TOPAZ1: variants seen among roughly 807,000 people sequenced by gnomAD.
TOPAZ1 encodes the protein testis and ovary specific TOPAZ 1, also known as protein TOPAZ1.
In TOPAZ1, 66 loss-of-function variants were observed where a neutral mutation model predicts 172.2. The observed-to-expected ratio is 0.38, with a 90% CI of 0.31 to 0.47. The LOEUF (loss-of-function observed/expected upper bound fraction) is 0.47, where lower values mean the gene tolerates loss of function less well. Ranked by LOEUF, TOPAZ1 falls within the 20% of genes least tolerant of loss-of-function variation. The pLI is 0.99. For missense variants in TOPAZ1, 1,822 were observed against 1,972.4 expected (o/e 0.92, Z 1.44); for synonymous variants, 681 against 683.9 (o/e 1.00, Z 0.07).
Position 44,287,512 on chromosome 3 carries a change from T to G in TOPAZ1, c.3560T>G (p.Val1187Gly), listed in dbSNP as rs1282365372. ...TTGTTGAAAGAAGTATTTCAGATAG[T>G]GAACCTCAGCATAATGGTTAAAATG... ...HCLLKEVFQI[V>G]NLSIMVKMLP... The change falls in exon 10 of 20, where the codon GTG becomes GGG. Residue 1187 changes from valine to glycine, a missense_variant. By Grantham distance (109) the Val-to-Gly change is moderately radical. This residue lies in a region of TOPAZ1 where 1,489 missense variants were observed against 1,490.8 expected (regional missense o/e 1.00). Coordinates refer to ENST00000309765, the MANE Select transcript of TOPAZ1 (RefSeq NM_001145030.2). The G allele has an allele frequency of 1.3e-6, 2 of 1,520,050 alleles. No homozygotes were observed. The highest frequency in any genetic ancestry group is 1.8e-6 in the Non-Finnish European group (2 of 1,133,754). 94.2% of individuals were successfully genotyped at this position (1,520,050 alleles called of 1,614,324 possible). A position where few individuals can be genotyped will look rare whatever the true frequency, so the allele number is the denominator to read the frequency against.
At chr3:44,271,446 G>A (rs568588533) in intron 8 of TOPAZ1, among the ~76,000 whole-genome samples, 5 of 152,148 alleles carry the variant, frequency 3.3e-5, no homozygotes, top group African/African-American at 1.2e-4. Flanking sequence ...GAAATATACA[G>A]ATATTTTCCC....
intron 12 of TOPAZ1, 132 bp downstream of exon 12, chr3:44,291,018 C>T (rs116399476): frequency 1.4e-5 from 8 of 557,096 alleles, no homozygotes; most frequent in Middle Eastern, 5.0e-4. Flanking sequence ...AAACCCTTCT[C>T]CTGTCTCTTG....
At chr3:44,253,285 G>A (rs1242494986) in intron 2 of TOPAZ1, among the ~76,000 whole-genome samples, 3 of 152,142 alleles carry the variant, frequency 2.0e-5, no homozygotes, top group Admixed American at 6.5e-5. Flanking sequence ...GGAATTCATG[G>A]AAAGACTTTT....
At chr3:44,260,700 C>A (rs1699765726) in intron 4 of TOPAZ1, among the ~76,000 whole-genome samples, 1 of 152,096 alleles carries the variant, frequency 6.6e-6, no homozygotes, top group African/African-American at 2.4e-5. Context: ...CCTTTGGTGT[C>A]ACGCTTAGGC....
rs71085612 is a variant in TOPAZ1, at chr3:44,269,471, C to CTTTTTTTT, written c.3246+194_3246+201dup. Among the ~76,000 whole-genome samples, 41 of 33,936 alleles carry CTTTTTTTT rather than the reference C, an allele frequency of 1.2e-3. 6 individuals are homozygous for CTTTTTTTT. The highest frequency in any genetic ancestry group is 1.6e-3 in the African/African-American group (10 of 6,122). 22.3% of individuals were successfully genotyped at this position (33,936 alleles called of 152,430 possible). On this transcript the variant is annotated intron_variant, in intron 7 of 19. Coordinates refer to ENST00000309765, the MANE Select transcript of TOPAZ1 (RefSeq NM_001145030.2). ...CCTTTTGATTGTATTTCCCTATCAT[C>CTTTTTTTT]TTTTTTTTTTTTTTTTTTTTTTTTT...
chr3:44,248,414 T>C (rs1699591185), intron 2 of TOPAZ1, among the ~76,000 whole-genome samples: 1 of 152,214 alleles, frequency 6.6e-6, no homozygotes, highest in South Asian at 2.1e-4. Context: ...TTGCCTTTTA[T>C]CTACTTCTAA....
In TOPAZ1 at chr3:44,243,907, A is replaced by G; in HGVS notation, c.1401A>G (p.Ser467=). 1.3e-6 allele frequency: 2 copies of G among 1,552,310 alleles called. No individual in the cohort carries two copies. Among genetic ancestry groups the G allele is most frequent in the Non-Finnish European group, 1.7e-6 (2 of 1,147,100 alleles). The change falls in exon 2 of 20, where the codon TCA becomes TCG. Residue 467 remains serine, a synonymous_variant. Coordinates refer to ENST00000309765, the MANE Select transcript of TOPAZ1 (RefSeq NM_001145030.2). ...PNEYHIERRS[S]REDLRSASEE... ...AGTACCATATTGAAAGGAGATCTTC[A>G]CGGGAAGACTTAAGAAGTGCATCTG...
chr3:44,258,370 C>T lies in TOPAZ1; in HGVS notation c.2955+2092C>T, dbSNP rs1374179727. 3.9e-5 allele frequency among the ~76,000 whole-genome samples: 6 copies of T among 152,134 alleles called. No homozygotes were observed. The East Asian group carries it at 5.8e-4, about 15-fold the overall frequency. On this transcript the variant is annotated intron_variant, in intron 4 of 19. Coordinates refer to ENST00000309765, the MANE Select transcript of TOPAZ1 (RefSeq NM_001145030.2). Reference sequence around the variant, plus strand: ...CACAACCAGAATATTGGCATTAATACGATCAAGATATTACAGAACATTTCC... The same window carrying T: ...CACAACCAGAATATTGGCATTAATATGATCAAGATATTACAGAACATTTCC...
chr3:44,262,703 T>G (rs921645116), intron 5 of TOPAZ1, among the ~76,000 whole-genome samples: 2 of 152,188 alleles, frequency 1.3e-5, no homozygotes, highest in African/African-American at 4.8e-5. Context: ...TAAAATATTT[T>G]TTGAGGAAAG....
chr3:44,244,381 A>T lies in TOPAZ1; in HGVS notation c.1875A>T (p.Leu625Phe). ...DTQLTSETQSLTGNKKKARGN... is the reference protein window; with the variant it reads ...DTQLTSETQSFTGNKKKARGN... Reference sequence around the variant, plus strand: ...AATTAACCAGTGAGACTCAAAGCTTAACGGGAAATAAAAAAAAAGCTAGAG... The same window carrying T: ...AATTAACCAGTGAGACTCAAAGCTTTACGGGAAATAAAAAAAAAGCTAGAG... The change falls in exon 2 of 20, where the codon TTA becomes TTT. Residue 625 changes from leucine to phenylalanine, a missense_variant. This residue lies in a region of TOPAZ1 where 1,489 missense variants were observed against 1,490.8 expected (regional missense o/e 1.00). Transcript: ENST00000309765. 1 of 1,551,188 alleles carries T rather than the reference A, an allele frequency of 6.4e-7. No individual in the cohort carries two copies. Among genetic ancestry groups the T allele is most frequent in the Non-Finnish European group, 8.7e-7 (1 of 1,146,854 alleles).
intron 9 of TOPAZ1, among the ~76,000 whole-genome samples, chr3:44,283,864 A>C (rs745806527): frequency 6.6e-6 from 1 of 152,230 alleles, no homozygotes; most frequent in Non-Finnish European, 1.5e-5. Context: ...AAAACAGGCT[A>C]TCCTTTTATA....
At chr3:44,264,650 C>T (rs907486727) in intron 5 of TOPAZ1, among the ~76,000 whole-genome samples, 1 of 152,182 alleles carries the variant, frequency 6.6e-6, no homozygotes, top group African/African-American at 2.4e-5. Flanking sequence ...AAAGATTTCT[C>T]TGTAGCATGT....
At chr3:44,277,264 T>C (rs1699970827) in intron 8 of TOPAZ1, among the ~76,000 whole-genome samples, 1 of 152,206 alleles carries the variant, frequency 6.6e-6, no homozygotes, top group South Asian at 2.1e-4. Flanking sequence ...CTTTTATAAA[T>C]GGGAATACCT....
In TOPAZ1 at chr3:44,299,008, C is replaced by T. The variant is rs534859722; in HGVS notation, c.3798-5007C>T. Among the ~76,000 whole-genome samples, 19 of 141,942 alleles carry T rather than the reference C, an allele frequency of 1.3e-4. No individual in the cohort carries two copies. The South Asian group carries it at 3.2e-3, about 24-fold the overall frequency. The allele number at this position is 141,942 out of a possible 152,430, so 93.1% of individuals were successfully genotyped here. On this transcript the variant is annotated intron_variant, in intron 12 of 19. Coordinates refer to ENST00000309765, the MANE Select transcript of TOPAZ1 (RefSeq NM_001145030.2). ...CACAATCTCAGCTCACTGCAACCTC[C>T]GCCTCCTGGGTTCAAGTGATTCTCC...
intron 6 of TOPAZ1, among the ~76,000 whole-genome samples, chr3:44,268,949 G>A (rs936699053): frequency 2.6e-5 from 4 of 152,120 alleles, no homozygotes; most frequent in African/African-American, 9.7e-5. Flanking sequence ...AGTGCCCAAT[G>A]CTGCTATGTG....
intron 12 of TOPAZ1, 68 bp from the exon 13 acceptor site, chr3:44,303,947 T>C: frequency 1.1e-6 from 1 of 886,566 alleles, no homozygotes; most frequent in Non-Finnish European, 1.7e-6. Context: ...ATAGGACAGA[T>C]TAATTAGAAG....
intron 11 of TOPAZ1, among the ~76,000 whole-genome samples, chr3:44,288,783 C>T (rs998099359): frequency 1.3e-5 from 2 of 152,108 alleles, no homozygotes; most frequent in African/African-American, 2.4e-5. Context: ...AAATGTACCC[C>T]GCAGTGACTG....
At chr3:44,267,819 A>T (rs1699848982) in intron 6 of TOPAZ1, among the ~76,000 whole-genome samples, 1 of 152,176 alleles carries the variant, frequency 6.6e-6, no homozygotes, top group Non-Finnish European at 1.5e-5. Flanking sequence ...GCACACACCT[A>T]ACTTTTCTAT....
chr3:44,243,691 A>G lies in TOPAZ1; in HGVS notation c.1185A>G (p.Leu395=). The change falls in exon 2 of 20, where the codon TTA becomes TTG. Residue 395 remains leucine (L), a synonymous_variant. Coordinates refer to ENST00000309765, the MANE Select transcript of TOPAZ1 (RefSeq NM_001145030.2). ...SHNTVSLMDH[L]LSVPETVEKE... is the part of the protein sequence containing the mutation. ...ATACAGTCTCTTTGATGGATCATTT[A>G]TTAAGTGTCCCAGAAACAGTAGAAA... 1 of 1,550,396 alleles carries G rather than the reference A, an allele frequency of 6.4e-7. No individual in the cohort carries two copies. Among genetic ancestry groups the G allele is most frequent in the Non-Finnish European group, 8.7e-7 (1 of 1,146,868 alleles).
Sources: gnomAD v4.1 joint callset for allele counts (sites outside exome capture counted in the v4.1 genomes callset) on GRCh38, gnomAD v4.1.1 for gene constraint, gnomAD v4.1.1 regional missense constraint, MANE v1.5 for transcripts, NCBI Gene and HGNC (gene_info 2026-07-23, HGNC 2026-07-21) for gene names.